TIAM1: variants seen among roughly 807,000 people sequenced by gnomAD.
The protein encoded by TIAM1 is rho guanine nucleotide exchange factor TIAM1.
TIAM1 carries 65 observed loss-of-function variants against 163.5 expected under a neutral mutation model. The observed-to-expected ratio is 0.40, with a 90% CI of 0.33 to 0.49. The LOEUF (loss-of-function observed/expected upper bound fraction) is 0.49. Ranked by LOEUF, TIAM1 falls within the 20% of genes least tolerant of loss-of-function variation. The pLI, the probability that TIAM1 is intolerant of heterozygous loss-of-function variation, is 0.77. For synonymous variants in TIAM1, 833 were observed against 810.1 expected, an observed-to-expected ratio of 1.03 and a Z score of -0.48; for missense variants, 1,789 against 2,044.7, an observed-to-expected ratio of 0.87 and a Z score of 2.41.
At chr21:31,397,345 CAG>C (rs986545331) in intron 2 of TIAM1, among the ~76,000 whole-genome samples, 4 of 152,176 alleles carry the variant, frequency 2.6e-5, no homozygotes, top group Admixed American at 6.5e-5. Context: ...AATTCCTATA[CAG>C]ATCTTTTTGC....
chr21:31,315,372 A>G (rs845962), intron 2 of TIAM1, among the ~76,000 whole-genome samples: 66,277 of 151,634 alleles, frequency 0.44, 15,363 homozygotes, highest in African/African-American at 0.61. Context: ...AAAATTATCC[A>G]GGCATGGTGG....
chr21:31,182,124 C>A (rs142408475), intron 15 of TIAM1, among the ~76,000 whole-genome samples: 98 of 152,158 alleles, frequency 6.4e-4, no homozygotes, highest in Middle Eastern at 3.4e-3. Context: ...CTATCCACAG[C>A]AAAGTCTTCT....
At chr21:31,461,578 G>T (rs551471921) in intron 2 of TIAM1, among the ~76,000 whole-genome samples, 1 of 152,180 alleles carries the variant, frequency 6.6e-6, no homozygotes, top group African/African-American at 2.4e-5. Flanking sequence ...TATTTAGTGT[G>T]AGCCTACCCA....
At chr21:31,189,955 G>A (rs1000302130) in intron 13 of TIAM1, among the ~76,000 whole-genome samples, 2 of 151,996 alleles carry the variant, frequency 1.3e-5, no homozygotes, top group South Asian at 4.1e-4. Flanking sequence ...CTCTAATATC[G>A]TCCAAAATGA....
intron 1 of TIAM1, among the ~76,000 whole-genome samples, chr21:31,519,621 G>A (rs1372023863): frequency 1.3e-5 from 2 of 151,870 alleles, no homozygotes; most frequent in African/African-American, 2.4e-5. Context: ...TTGTACACCC[G>A]TTAACAACAG....
intron 1 of TIAM1, among the ~76,000 whole-genome samples, chr21:31,545,576 G>A (rs1192011259): frequency 6.6e-6 from 1 of 152,120 alleles, no homozygotes; most frequent in Non-Finnish European, 1.5e-5. Flanking sequence ...TTGGGACTGT[G>A]GATATAAGAC....
intron 2 of TIAM1, among the ~76,000 whole-genome samples, chr21:31,330,605 A>G (rs1454177947): frequency 2.0e-5 from 3 of 151,964 alleles, no homozygotes; most frequent in Non-Finnish European, 4.4e-5. Flanking sequence ...CGCCTGGCTA[A>G]TTTTTGTATT....
intron 15 of TIAM1, among the ~76,000 whole-genome samples, chr21:31,181,951 ATT>A (rs200013783): frequency 3.6e-5 from 5 of 138,790 alleles, no homozygotes; most frequent in Admixed American, 7.2e-5. Flanking sequence ...TGCCCAGCTC[ATT>A]TTTTTTTTTT....
At chr21:31,271,255 C>G (rs879557027) in intron 3 of TIAM1, among the ~76,000 whole-genome samples, 1 of 151,268 alleles carries the variant, frequency 6.6e-6, no homozygotes, top group Non-Finnish European at 1.5e-5. Context: ...AAAAAAAATA[C>G]TGGAATGAAT....
At chr21:31,188,748 AT>A (rs755879365) in intron 13 of TIAM1, among the ~76,000 whole-genome samples, 8 of 151,452 alleles carry the variant, frequency 5.3e-5, no homozygotes, top group East Asian at 3.9e-4. Flanking sequence ...TGATTTTTTA[AT>A]TTTTTTTAGA....
chr21:31,433,765 A>T (rs900697379), intron 2 of TIAM1, among the ~76,000 whole-genome samples: 1 of 152,202 alleles, frequency 6.6e-6, no homozygotes, highest in Admixed American at 6.5e-5. Flanking sequence ...ACACATGTGA[A>T]TTTACCACAT....
rs938874047 is a variant in TIAM1, at chr21:31,523,001, A to G, written c.-422+35926T>C. ...AAAATAAATTTTTAGCACATTCTCA[A>G]TCATTCTCAATAAACTGTCATCATT... On this transcript the variant is annotated intron_variant, in intron 1 of 28. Coordinates refer to the TIAM1 transcript ENST00000286827. Among the ~76,000 whole-genome samples the G allele has an allele frequency of 4.6e-5, 7 of 152,332 alleles. No individual in the cohort carries two copies. In the East Asian group the frequency reaches 7.7e-4, roughly 17 times the overall value.
At chr21:31,178,963 C>A (rs974025445) in intron 15 of TIAM1, among the ~76,000 whole-genome samples, 8 of 150,982 alleles carry the variant, frequency 5.3e-5, no homozygotes, top group African/African-American at 1.9e-4. Flanking sequence ...GTTGGTCAGG[C>A]TGGTCTCGAA....
At chr21:31,272,941 T>C (rs2073127960) in intron 3 of TIAM1, among the ~76,000 whole-genome samples, 1 of 152,174 alleles carries the variant, frequency 6.6e-6, no homozygotes, top group Non-Finnish European at 1.5e-5. Context: ...ATAAAGCTTC[T>C]GTCTTAATAA....
intron 3 of TIAM1, among the ~76,000 whole-genome samples, chr21:31,269,232 A>T (rs957888512): frequency 6.6e-6 from 1 of 152,236 alleles, no homozygotes; most frequent in Non-Finnish European, 1.5e-5. Context: ...GAATTACCGC[A>T]CTACATGCAT....
At chr21:31,271,993 T>C (rs1050708246) in intron 3 of TIAM1, among the ~76,000 whole-genome samples, 1 of 152,204 alleles carries the variant, frequency 6.6e-6, no homozygotes, top group Non-Finnish European at 1.5e-5. Context: ...CCTCCATTTA[T>C]GATGGGGTCA....
At chr21:31,228,218 TTTA>T (rs1569068358) in intron 6 of TIAM1, among the ~76,000 whole-genome samples, 34 of 19,038 alleles carry the variant, frequency 1.8e-3, no homozygotes, top group Non-Finnish European at 2.4e-3. Flanking sequence ...GCCTCCTTTT[TTTA>T]AAAAAAAAAA....
intron 2 of TIAM1, among the ~76,000 whole-genome samples, chr21:31,289,940 C>A (rs942598197): frequency 3.9e-5 from 6 of 152,122 alleles, no homozygotes; most frequent in Admixed American, 6.5e-5. Context: ...TAGGCTTGCC[C>A]TCTACGAATC....
chr21:31,451,027 G>T (rs1432493343), intron 2 of TIAM1, among the ~76,000 whole-genome samples: 2 of 151,350 alleles, frequency 1.3e-5, no homozygotes, highest in Non-Finnish European at 2.9e-5. Context: ...TCCATCTAGT[G>T]GTCAATTAAG....
Sources: allele counts gnomAD v4.1 joint callset (sites outside exome capture counted in the v4.1 genomes callset), GRCh38; gene constraint gnomAD v4.1.1; transcripts MANE v1.5; gene names NCBI Gene and HGNC (gene_info 2026-07-23, HGNC 2026-07-21).